VIT: variants seen among roughly 807,000 people sequenced by gnomAD.
VIT encodes the protein vitrin.
A neutral mutation model predicts 78.0 loss-of-function variants in VIT; 99 were observed. The observed-to-expected ratio is 1.27, with a 90% confidence interval of 1.08 to 1.50. The LOEUF (loss-of-function observed/expected upper bound fraction) is 1.50, where lower values mean the gene tolerates loss of function less well. Ranked by LOEUF, VIT falls within the 40% of genes most tolerant of loss-of-function variation. The pLI is 0.00. For missense variants in VIT, 1,126 were observed against 875.3 expected (o/e 1.29, Z -3.61); for synonymous variants, 374 against 334.3 (o/e 1.12, Z -1.29).
At chr2:36,723,307 C>T (rs1232447348) in intron 2 of VIT, among the ~76,000 whole-genome samples, 2 of 151,874 alleles carry the variant, frequency 1.3e-5, no homozygotes, top group Non-Finnish European at 2.9e-5. Context: ...TTGTCTATAC[C>T]TCTGATTATA....
intron 11 of VIT, among the ~76,000 whole-genome samples, chr2:36,786,079 C>T (rs754638512): frequency 6.6e-6 from 1 of 152,046 alleles, no homozygotes; most frequent in African/African-American, 2.4e-5. Flanking sequence ...GGTGCAGGTC[C>T]GTCTGGCCGC....
chr2:36,759,299 T>C (rs752066868), intron 6 of VIT: 7 of 1,451,268 alleles, frequency 4.8e-6, no homozygotes, highest in African/African-American at 1.4e-5. Flanking sequence ...TTCATTCAGA[T>C]TGACTGTTGC....
chr2:36,708,129 G>C (rs912943980), intron 1 of VIT, among the ~76,000 whole-genome samples: 10 of 121,204 alleles, frequency 8.3e-5, no homozygotes, highest in Non-Finnish European at 1.3e-4. Flanking sequence ...CGCCCACCTA[G>C]TGCCAGCTTC....
chr2:36,799,651 AG>A (rs1666170117), intron 12 of VIT, among the ~76,000 whole-genome samples: 2 of 151,246 alleles, frequency 1.3e-5, no homozygotes, highest in Non-Finnish European at 2.9e-5. Context: ...CAGGAAGTTG[AG>A]GCTGCAGTGA....
intron 11 of VIT, among the ~76,000 whole-genome samples, chr2:36,784,582 A>G (rs897009388): frequency 2.0e-5 from 3 of 152,242 alleles, no homozygotes; most frequent in African/African-American, 7.2e-5. Context: ...CAGAGTTAAG[A>G]AACACTGGCC....
chr2:36,791,175 A>G (rs369157520), intron 12 of VIT, among the ~76,000 whole-genome samples: 48 of 152,316 alleles, frequency 3.2e-4, no homozygotes, highest in African/African-American at 1.1e-3. Flanking sequence ...TTCCTTGCTC[A>G]TGAGTCTATA....
chr2:36,721,298 T>A (rs886291296), intron 2 of VIT, among the ~76,000 whole-genome samples: 1 of 152,176 alleles, frequency 6.6e-6, no homozygotes, highest in African/African-American at 2.4e-5. Flanking sequence ...CTGGGGGGAA[T>A]AATAAATCAC....
chr2:36,814,345 C>A lies in VIT; in HGVS notation c.2066C>A (p.Ser689Ter), dbSNP rs147135911. Reference sequence around the variant, plus strand: ...CAGAACATTTGTACAGAGTTCAACTCACAGCCTCGGAACTGAATTCAGAGC... The same window carrying A: ...CAGAACATTTGTACAGAGTTCAACTAACAGCCTCGGAACTGAATTCAGAGC... ...IIQNICTEFN[S>*]QPRN Residue 689 changes from serine (S) to a stop codon, truncating the protein, a stop_gained, in exon 16 of 16, where the codon TCA becomes TAA. Transcript: ENST00000379242. LOFTEE classifies it high-confidence loss of function. 3 of 1,614,086 alleles carry A rather than the reference C, an allele frequency of 1.9e-6. No individual in the cohort carries two copies. In the East Asian group the frequency reaches 6.7e-5, roughly 36 times the overall value.
At chr2:36,697,042 T>C (rs1372210102) in intron 1 of VIT, 69 bp downstream of exon 1, 2 of 152,034 alleles carry the variant, frequency 1.3e-5, no homozygotes, top group African/African-American at 4.8e-5. Context: ...AACGTATTTG[T>C]CTTTAAGAAA....
intron 7 of VIT, among the ~76,000 whole-genome samples, chr2:36,770,008 T>C (rs934761312): frequency 2.6e-5 from 4 of 152,258 alleles, no homozygotes; most frequent in African/African-American, 9.6e-5. Flanking sequence ...CAAATCTCCT[T>C]ATACTGTGAT....
Position 36,709,542 on chromosome 2 carries a change from C to T in VIT, c.-18-6811C>T, listed in dbSNP as rs572555914. ...TCTTGTTTCTGCCTGGCACATAGTACGTATACTTTTATTTTTTAATGATTA... is the reference window on the plus strand; with the variant it reads ...TCTTGTTTCTGCCTGGCACATAGTATGTATACTTTTATTTTTTAATGATTA... On this transcript the variant is annotated intron_variant, in intron 1 of 15. Coordinates refer to ENST00000379242, the MANE Select transcript of VIT (RefSeq NM_053276.4). Among the ~76,000 whole-genome samples, 15 of 152,140 alleles carry T rather than the reference C, an allele frequency of 9.9e-5. No individual in the cohort carries two copies. The Middle Eastern group carries it at 0.014, about 138-fold the overall frequency.
chr2:36,706,464 C>A (rs957959776), intron 1 of VIT, among the ~76,000 whole-genome samples: 6 of 152,138 alleles, frequency 3.9e-5, no homozygotes, highest in Non-Finnish European at 8.8e-5. Context: ...GGAAATAGAA[C>A]CTGGAAAGTG....
intron 15 of VIT, among the ~76,000 whole-genome samples, chr2:36,812,469 A>C (rs1416506465): frequency 2.0e-5 from 3 of 152,058 alleles, no homozygotes; most frequent in African/African-American, 7.2e-5. Flanking sequence ...CCACAACCCA[A>C]ATCAAGACCC....
intron 1 of VIT, among the ~76,000 whole-genome samples, chr2:36,703,918 TGTTTGTTTTTTGTTTTTG>T (rs140458278): frequency 0.46 from 40,575 of 87,418 alleles, 6,745 homozygotes; most frequent in Middle Eastern, 0.59. Flanking sequence ...GGTTTTTTTT[TGTTTGTTTTTTGTTTTTG>T]TTTTTTTTTT....
intron 7 of VIT, among the ~76,000 whole-genome samples, chr2:36,768,242 GC>G (rs779134713): frequency 1.3e-5 from 2 of 152,260 alleles, no homozygotes; most frequent in East Asian, 3.9e-4. Context: ...GACCAGCCTG[GC>G]CAGCATGGTG....
chr2:36,758,349 A>G (rs1668891559), intron 5 of VIT, among the ~76,000 whole-genome samples: 2 of 152,210 alleles, frequency 1.3e-5, no homozygotes, highest in African/African-American at 4.8e-5. Flanking sequence ...CATATGGTGG[A>G]ATTTCAGGCG....
intron 14 of VIT, 83 bp downstream of exon 14, chr2:36,805,747 A>G (rs900803763): frequency 1.4e-6 from 2 of 1,405,592 alleles, no homozygotes; most frequent in Admixed American, 2.1e-5. Flanking sequence ...TGGTTTTCCC[A>G]TGCCTTTAAA....
At chr2:36,755,955 A>ATTTTT (rs58344336) in intron 5 of VIT, among the ~76,000 whole-genome samples, 1,492 of 108,516 alleles carry the variant, frequency 0.014, 106 homozygotes, top group African/African-American at 0.049. Flanking sequence ...ACAACACAGT[A>ATTTTT]TTTTTTTTTT....
chr2:36,785,601 A>AAGG (rs1665040782), intron 11 of VIT, among the ~76,000 whole-genome samples: 1 of 152,176 alleles, frequency 6.6e-6, no homozygotes, highest in African/African-American at 2.4e-5. Flanking sequence ...AGCAAAGGAC[A>AAGG]AGGGAAGCCA....
Sources: gnomAD v4.1 joint callset for allele counts (sites outside exome capture counted in the v4.1 genomes callset) on GRCh38, gnomAD v4.1.1 for gene constraint, MANE v1.5 for transcripts, NCBI Gene and HGNC (gene_info 2026-07-23, HGNC 2026-07-21) for gene names.